The following PFAS variants were observed in gnomAD, a reference collection of about 807,000 sequenced individuals.
PFAS encodes the protein phosphoribosylformylglycinamidine synthase, also known as FGAM synthase.
A neutral mutation model predicts 140.6 loss-of-function variants in PFAS; 97 were observed. The observed-to-expected ratio is 0.69, with a 90% CI of 0.59 to 0.82. The LOEUF is 0.82. PFAS is among the 40% of genes least tolerant of loss of function. The pLI is 0.00. For missense variants in PFAS, 1,656 were observed against 1,780.2 expected (o/e 0.93, Z 1.26); for synonymous variants, 679 against 718.8 (o/e 0.94, Z 0.88).
chr17:8,257,400 C>CA (rs1989414387), intron 9 of PFAS, among the ~76,000 whole-genome samples: 1 of 151,666 alleles, frequency 6.6e-6, no homozygotes, highest in African/African-American at 2.4e-5. Context: ...ACTAAAAATA[C>CA]AAAAAATTAG....
chr17:8,259,222 T>C (rs928818199), intron 11 of PFAS, among the ~76,000 whole-genome samples: 5 of 152,022 alleles, frequency 3.3e-5, no homozygotes, highest in Admixed American at 2.6e-4. Context: ...TTTTTCTCTT[T>C]TTTGTTAATT....
Position 8,263,223 on chromosome 17 carries a change from A to G in PFAS, c.1525A>G (p.Asn509Asp). The G allele has an allele frequency of 6.2e-7, 1 of 1,614,166 alleles. No individual in the cohort carries two copies. The highest frequency in any genetic ancestry group is 8.5e-7 in the Non-Finnish European group (1 of 1,180,022). Residue 509 changes from asparagine (N) to aspartate (D), a missense_variant, in exon 13 of 28, where the codon AAC (asparagine) becomes GAC (aspartate). Physicochemically the swap from Asn to Asp is conservative, Grantham distance 23. This residue lies in a region of PFAS where 773 missense variants were observed against 757.3 expected (regional missense o/e 1.02). Transcript: ENST00000314666. The part of the protein sequence containing the change: ...IRACVEAPKG[N>D]PICSLHDQGA... ...GGCTTGTGTGGAGGCCCCCAAGGGA[A>G]ACCCCATCTGCAGCCTTCATGATCA...
In PFAS at chr17:8,269,036, C is replaced by T. The variant is rs760870183; in HGVS notation, c.3789C>T (p.Asp1263=). Residue 1263 remains aspartate, a synonymous_variant, in exon 28 of 28, where the codon GAC becomes GAT. Transcript: ENST00000314666. ...CTCCACTGCACTGGGCTGATGATGA[C>T]GGGAACCCCACAGAGCAGTACCCTC... ...GLAPLHWADD[D]GNPTEQYPLN... 40 of 1,613,974 alleles carry T rather than the reference C, an allele frequency of 2.5e-5. No homozygotes were observed. Among genetic ancestry groups the T allele is most frequent in the Middle Eastern group, 1.6e-4 (1 of 6,084 alleles).
In PFAS at chr17:8,269,017, T is replaced by C; in HGVS notation, c.3770T>C (p.Leu1257Pro). Residue 1257 changes from leucine (L) to proline (P), a missense_variant, in exon 28 of 28, where the codon CTG (leucine) becomes CCG (proline). This residue lies in a region of PFAS where 883 missense variants were observed against 1,023.0 expected (regional missense o/e 0.86). Transcript: ENST00000314666. Reference protein sequence around the residue: ...AQIEARGLAPLHWADDDGNPT... With the variant: ...AQIEARGLAPPHWADDDGNPT... ...ATTGAGGCCAGGGGCTTGGCTCCAC[T>C]GCACTGGGCTGATGATGACGGGAAC... 1 of 1,614,214 alleles carries C rather than the reference T, an allele frequency of 6.2e-7. No homozygotes were observed. The highest frequency in any genetic ancestry group is 8.5e-7 in the Non-Finnish European group (1 of 1,180,018).
At chr17:8,253,687 C>G (rs1235437971) in intron 1 of PFAS, among the ~76,000 whole-genome samples, 172 bp from the exon 2 acceptor site, 1 of 152,046 alleles carries the variant, frequency 6.6e-6, no homozygotes, top group African/African-American at 2.4e-5. Context: ...TTACAGGCGC[C>G]CGCCACCACA....
chr17:8,265,758 G>A, intron 20 of PFAS, 104 bp from the exon 21 acceptor site: 1 of 1,338,828 alleles, frequency 7.5e-7, no homozygotes, highest in Non-Finnish European at 1.1e-6. Flanking sequence ...GGGACTGATT[G>A]TCTAGGTGTC....
In PFAS at chr17:8,255,612, C is replaced by T. The variant is rs1280661325; in HGVS notation, c.495C>T (p.Ser165=). ...CCATCCAGAGTTTCTCCCCTGAGAG[C>T]ATGCCGGAACCCCTCAATGGCCCTA... ...PHPIQSFSPE[S]MPEPLNGPIN... Residue 165 remains serine (S), a synonymous_variant, in exon 5 of 28, where the codon AGC becomes AGT. Transcript: ENST00000314666. 4 of 1,581,252 alleles carry T rather than the reference C, an allele frequency of 2.5e-6. No individual in the cohort carries two copies. The highest frequency in any genetic ancestry group is 3.4e-6 in the Non-Finnish European group (4 of 1,166,348).
Position 8,267,969 on chromosome 17 carries a change from T to C in PFAS, c.3382+304T>C, listed in dbSNP as rs1567647108. On this transcript the variant is annotated intron_variant, in intron 26 of 27. Transcript: ENST00000314666. This position sits in a 1 kb window ranked among gnomAD's most constrained non-coding sequence, Gnocchi z 4.9. ...TATATATTATTAAAATATATATTAT[T>C]TATATATATTATTTATATATTATTA... 7.0e-6 allele frequency among the ~76,000 whole-genome samples: 1 copy of C among 143,830 alleles called. No homozygotes were observed. Among genetic ancestry groups the C allele is most frequent in the Non-Finnish European group, 1.5e-5 (1 of 65,894 alleles). 94.4% of individuals were successfully genotyped at this position (143,830 alleles called of 152,430 possible).
At position 8,269,135 on chromosome 17, in the gene PFAS, TCA is replaced by T; in HGVS notation, c.3890_3891del (p.His1297ProfsTer2). ...ATGGCCGCCACCTGGCTGTCATGCC[TCA>T]CCCTGAGCGGGCCGTTAGGCCTTGG... The part of the protein sequence containing the change: ...CDGRHLAVMP[H>X]PERAVRPWQW... On this transcript the variant is annotated frameshift_variant, in exon 28 of 28. Transcript: ENST00000314666. LOFTEE classifies it high-confidence loss of function. 1.2e-6 allele frequency: 2 copies of T among 1,613,982 alleles called. No homozygotes were observed. Among genetic ancestry groups the T allele is most frequent in the Non-Finnish European group, 1.7e-6 (2 of 1,180,022 alleles).
At position 8,263,132 on chromosome 17, in the gene PFAS, C is replaced by G. The variant is rs1382480037; in HGVS notation, c.1434C>G (p.Asp478Glu). ...AGGTGCAGGGAGATAACACCAGTGA[C>G]CTGGACTTTGGGGCTGTGCAGCGAG... is the stretch of plus-strand genomic sequence containing the variant. ...SVQVQGDNTS[D>E]LDFGAVQRGD... is the part of the protein sequence containing the mutation. Residue 478 changes from aspartate (D) to glutamate (E), a missense_variant, in exon 13 of 28, where the codon GAC becomes GAG. Around this residue, in one of 2 missense-constraint regions of PFAS, gnomAD observed 773 missense variants for 757.3 expected, o/e 1.02. Coordinates refer to ENST00000314666, the MANE Select transcript of PFAS (RefSeq NM_012393.3). The G allele has an allele frequency of 1.9e-6, 3 of 1,614,032 alleles. No homozygotes were observed. In the South Asian group the frequency reaches 3.3e-5, roughly 18 times the overall value.
intron 4 of PFAS, 74 bp downstream of exon 4, chr17:8,255,206 CAGGGA>C: frequency 8.8e-7 from 1 of 1,134,686 alleles, no homozygotes; most frequent in Non-Finnish European, 1.3e-6. Context: ...TAGAGAGAAG[CAGGGA>C]CAGGTGCTCC....
Position 8,263,848 on chromosome 17 carries a change from G to C in PFAS, c.1703G>C (p.Arg568Thr), listed in dbSNP as rs1333426330. 1 of 1,614,112 alleles carries C rather than the reference G, an allele frequency of 6.2e-7. No homozygotes were observed. The highest frequency in any genetic ancestry group is 8.5e-7 in the Non-Finnish European group (1 of 1,180,002). Residue 568 changes from arginine to threonine, a missense_variant, in exon 15 of 28, where the codon AGG (arginine) becomes ACG (threonine). By Grantham distance (71) the Arg-to-Thr change is moderately conservative. Coordinates refer to ENST00000314666, the MANE Select transcript of PFAS (RefSeq NM_012393.3). The stretch of plus-strand genomic sequence containing the variant: ...CAGGAATCAAATGCTCTTCTGCTGA[G>C]GTCCCCCAACCGGGACTTCCTGACT... ...EYQESNALLL[R>T]SPNRDFLTHV...
At position 8,269,576 on chromosome 17, in the gene PFAS, T is replaced by C. The variant is rs1989952804; in HGVS notation, c.*312T>C. The C allele has an allele frequency of 3.2e-6, 1 of 312,778 alleles. No individual in the cohort carries two copies. The highest frequency in any genetic ancestry group is 2.1e-5 in the African/African-American group (1 of 47,536). 19.4% of individuals were successfully genotyped at this position (312,778 alleles called of 1,614,324 possible). On this transcript the variant is annotated 3_prime_UTR_variant, in exon 28 of 28. Transcript: ENST00000314666. Reference sequence around the variant, plus strand: ...CCGAACAGGGGCTTCTGTTGCCCACTTCACAACACCCAGTGATCACCGGTG... The same window carrying C: ...CCGAACAGGGGCTTCTGTTGCCCACCTCACAACACCCAGTGATCACCGGTG...
At chr17:8,268,055 T>TTTTTAA (rs755948525) in intron 26 of PFAS, among the ~76,000 whole-genome samples, 43 of 91,844 alleles carry the variant, frequency 4.7e-4, no homozygotes, top group African/African-American at 1.5e-3. Context: ...TTTAAATATA[T>TTTTTAA]ATATATATAT....
At chr17:8,265,734 C>A in intron 20 of PFAS, 95 bp downstream of exon 20, 1 of 1,363,166 alleles carries the variant, frequency 7.3e-7, no homozygotes, top group Non-Finnish European at 1.0e-6. Context: ...CAACACTGGG[C>A]TGTGGTGTTT....
rs150482871 is a variant in PFAS, at chr17:8,255,047, C to A, written c.299C>A (p.Thr100Lys). 2 of 1,613,912 alleles carry A rather than the reference C, an allele frequency of 1.2e-6. No homozygotes were observed. The highest frequency in any genetic ancestry group is 3.3e-4 in the Middle Eastern group (2 of 6,062). ...TTCAGGCTGAACTTCTCCACCCCAACATCCACCAACATCGTGTCAGTGTGC... is the reference window on the plus strand; with the variant it reads ...TTCAGGCTGAACTTCTCCACCCCAAAATCCACCAACATCGTGTCAGTGTGC... ...VGPRLNFSTPTSTNIVSVCRA... is the reference protein window; with the variant it reads ...VGPRLNFSTPKSTNIVSVCRA... Residue 100 changes from threonine to lysine, a missense_variant, in exon 4 of 28, where the codon ACA becomes AAA. Physicochemically the swap from Thr to Lys is moderately conservative, Grantham distance 78 (BLOSUM62 -1). Transcript: ENST00000314666.
intron 11 of PFAS, among the ~76,000 whole-genome samples, chr17:8,261,907 T>G (rs1245588494): frequency 1.3e-5 from 2 of 151,800 alleles, no homozygotes; most frequent in African/African-American, 4.8e-5. Flanking sequence ...TCCCACAGTT[T>G]CTACCCTGGA....
chr17:8,264,373 T>C (rs2151592150), intron 16 of PFAS, 36 bp downstream of exon 16: 1 of 1,612,750 alleles, frequency 6.2e-7, no homozygotes, highest in African/African-American at 1.3e-5. Flanking sequence ...TTTCCTGTGG[T>C]CCTCTCCACA....
upstream of PFAS, chr17:8,247,987 G>C: frequency 3.2e-6 from 5 of 1,557,846 alleles, no homozygotes; most frequent in South Asian, 1.1e-5. Context: ...AACAAGAGAC[G>C]TAATAGCAGC....
Sources: allele counts gnomAD v4.1 joint callset (sites outside exome capture counted in the v4.1 genomes callset), GRCh38; gene constraint gnomAD v4.1.1; regional missense constraint gnomAD v4.1.1; non-coding constraint Gnocchi (gnomAD v3.1); transcripts MANE v1.5; gene names NCBI Gene and HGNC (gene_info 2026-07-23, HGNC 2026-07-21).